Variants in VPS13B observed in about 807,000 individuals in gnomAD.
VPS13B encodes vacuolar protein sorting 13 homolog B, also known as intermembrane lipid transfer protein VPS13B.
In VPS13B, 285 loss-of-function variants were observed where a neutral mutation model predicts 426.4. The ratio of observed to expected loss-of-function variants is 0.67; its 90% CI spans 0.61 to 0.74. The LOEUF is 0.74. Among genes scored for constraint, VPS13B ranks in the 30% least tolerant of loss-of-function variants. VPS13B has a pLI of 0.00. For missense variants in VPS13B, 4,537 were observed against 4,782.6 expected (o/e 0.95, Z 1.51); for synonymous variants, 1,676 against 1,676.4 (o/e 1.00, Z 0.01).
chr8:99,202,910 T>A (rs1436784583), intron 17 of VPS13B, among the ~76,000 whole-genome samples: 1 of 152,004 alleles, frequency 6.6e-6, no homozygotes, highest in African/African-American at 2.4e-5. Context: ...GGTGGGCACC[T>A]GTAGTCCCAG....
chr8:99,608,791 G>C (rs987605693), intron 33 of VPS13B, among the ~76,000 whole-genome samples: 2 of 151,990 alleles, frequency 1.3e-5, no homozygotes, highest in African/African-American at 4.8e-5. Flanking sequence ...CTAGTGTAAT[G>C]TCTATATTAT....
At chr8:99,772,201 T>G (rs1036916818) in intron 40 of VPS13B, among the ~76,000 whole-genome samples, 4 of 150,980 alleles carry the variant, frequency 2.6e-5, no homozygotes, top group Non-Finnish European at 5.9e-5. Context: ...GGGAGATTAC[T>G]CTTCCTTTTT....
chr8:99,511,815 T>C (rs1821803538), intron 29 of VPS13B, among the ~76,000 whole-genome samples: 1 of 152,184 alleles, frequency 6.6e-6, no homozygotes, highest in Non-Finnish European at 1.5e-5. Flanking sequence ...AAATGTTGTG[T>C]TCTGTGTATC....
intron 3 of VPS13B, among the ~76,000 whole-genome samples, chr8:99,054,393 A>T (rs1332028225): frequency 6.6e-6 from 1 of 152,224 alleles, no homozygotes; most frequent in Non-Finnish European, 1.5e-5. Flanking sequence ...TGACCATTTT[A>T]AAATTCAATT....
At position 99,296,283 on chromosome 8, in the gene VPS13B, G is replaced by C. The variant is rs1028558175; in HGVS notation, c.2824+21029G>C. Among the ~76,000 whole-genome samples the C allele has an allele frequency of 2.0e-5, 3 of 152,074 alleles. No homozygotes were observed. The East Asian group carries it at 5.8e-4, about 29-fold the overall frequency. On this transcript the variant is annotated intron_variant, in intron 19 of 61. Transcript: ENST00000357162. ...TGCCAGATCAGGGCAAGGATGTGAA[G>C]AGCATTTATTGTTCTAGAAGCTATA...
chr8:99,647,196 A>G (rs915633898), intron 34 of VPS13B, among the ~76,000 whole-genome samples: 73 of 152,154 alleles, frequency 4.8e-4, no homozygotes, highest in African/African-American at 1.7e-3. Context: ...CAAGTCATAA[A>G]CCATTATTAT....
At chr8:99,182,615 C>T (rs1813002272) in intron 16 of VPS13B, among the ~76,000 whole-genome samples, 1 of 152,136 alleles carries the variant, frequency 6.6e-6, no homozygotes, top group Admixed American at 6.6e-5. Context: ...ATTCTTAAAG[C>T]ACTTTCTGTG....
intron 19 of VPS13B, among the ~76,000 whole-genome samples, chr8:99,344,543 T>C (rs1811432019): frequency 6.6e-6 from 1 of 152,202 alleles, no homozygotes; most frequent in African/African-American, 2.4e-5. Context: ...ATATTTCCTT[T>C]AGAAGAGCAA....
Position 99,661,434 on chromosome 8 carries a change from A to G in VPS13B, c.5989A>G (p.Ser1997Gly). 1 of 1,613,754 alleles carries G rather than the reference A, an allele frequency of 6.2e-7. No individual in the cohort carries two copies. Among genetic ancestry groups the G allele is most frequent in the South Asian group, 1.1e-5 (1 of 91,080 alleles). Residue 1997 changes from serine to glycine, a missense_variant, in exon 35 of 62, where the codon AGT becomes GGT. Physicochemically the swap from Ser to Gly is moderately conservative, Grantham distance 56 (BLOSUM62 0). Coordinates refer to ENST00000357162, the MANE Select transcript of VPS13B (RefSeq NM_152564.5). ...AGTGCCTGGAGAAATAGACAGCAAA[A>G]GTGGTATTCCACCTTCCTTTATAAC... ...QTVPGEIDSK[S>G]GIPPSFITLQ... is the part of the protein sequence containing the mutation.
At chr8:99,171,598 G>A (rs1339928700) in intron 16 of VPS13B, among the ~76,000 whole-genome samples, 1 of 151,946 alleles carries the variant, frequency 6.6e-6, no homozygotes, top group Non-Finnish European at 1.5e-5. Context: ...CTTAAAATAT[G>A]CCTACAGACA....
chr8:99,702,537 A>T (rs1832324756), intron 36 of VPS13B, among the ~76,000 whole-genome samples: 1 of 152,068 alleles, frequency 6.6e-6, no homozygotes, highest in Non-Finnish European at 1.5e-5. Flanking sequence ...ATTGTAGAAA[A>T]TTTTCATTAA....
At chr8:99,805,159 T>G (rs538821145) in intron 43 of VPS13B, among the ~76,000 whole-genome samples, 1 of 151,642 alleles carries the variant, frequency 6.6e-6, no homozygotes, top group African/African-American at 2.4e-5. Flanking sequence ...TACAATGGAT[T>G]GGGACATTTT....
At chr8:99,092,686 A>G (rs532954289) in intron 3 of VPS13B, among the ~76,000 whole-genome samples, 1 of 152,198 alleles carries the variant, frequency 6.6e-6, no homozygotes, top group Non-Finnish European at 1.5e-5. Context: ...AATCATTGAA[A>G]GGATTAATTT....
At chr8:99,657,469 AT>A (rs79697081) in intron 34 of VPS13B, among the ~76,000 whole-genome samples, 1 of 4,340 alleles carries the variant, frequency 2.3e-4, no homozygotes. Flanking sequence ...TACTTTAAAA[AT>A]TGTGTGTGTG....
At chr8:99,149,623 GT>G (rs5893484) in intron 14 of VPS13B, among the ~76,000 whole-genome samples, 42,127 of 140,662 alleles carry the variant, frequency 0.3, 7,000 homozygotes, top group African/African-American at 0.43. Flanking sequence ...TGGCCTATGT[GT>G]TTTTTTTTTT....
intron 44 of VPS13B, among the ~76,000 whole-genome samples, chr8:99,815,446 G>C (rs1406233199): frequency 6.6e-6 from 1 of 151,954 alleles, no homozygotes; most frequent in African/African-American, 2.4e-5. Context: ...CCTTCGATTG[G>C]GTCTTCATTT....
chr8:99,394,768 A>G (rs1814638407), intron 21 of VPS13B, among the ~76,000 whole-genome samples: 1 of 152,230 alleles, frequency 6.6e-6, no homozygotes, highest in South Asian at 2.1e-4. Context: ...TTACAAGTTT[A>G]TATATTACTT....
In VPS13B at chr8:99,488,392, G is replaced by GT. The variant is rs1025218117; in HGVS notation, c.3870+6600dup. 2.1e-3 allele frequency among the ~76,000 whole-genome samples: 321 copies of GT among 149,352 alleles called. 2 individuals are homozygous for GT. Among genetic ancestry groups the GT allele is most frequent in the African/African-American group, 7.2e-3 (295 of 40,832 alleles). ...GTAATTGCTTTTCTCTAAGGTGTATGTTTTTTTTTTCCTCCTGGGGAAAAC... is the reference window on the plus strand; with the variant it reads ...GTAATTGCTTTTCTCTAAGGTGTATGTTTTTTTTTTTCCTCCTGGGGAAAAC... On this transcript the variant is annotated intron_variant, in intron 25 of 61. Coordinates refer to ENST00000357162, the MANE Select transcript of VPS13B (RefSeq NM_152564.5).
At chr8:99,510,929 C>G (rs1821760284) in intron 28 of VPS13B, among the ~76,000 whole-genome samples, 175 bp from the exon 29 acceptor site, 1 of 152,162 alleles carries the variant, frequency 6.6e-6, no homozygotes, top group Non-Finnish European at 1.5e-5. Context: ...GTCATTCTAA[C>G]CATCTTAGAA....
Sources: allele counts gnomAD v4.1 joint callset (sites outside exome capture counted in the v4.1 genomes callset), GRCh38; gene constraint gnomAD v4.1.1; transcripts MANE v1.5; gene names NCBI Gene and HGNC (gene_info 2026-07-23, HGNC 2026-07-21).